RNF130: variants seen among roughly 807,000 people sequenced by gnomAD.
RNF130 encodes ring finger protein 130.
RNF130 carries 21 observed loss-of-function variants against 44.6 expected under a neutral mutation model. That is an observed-to-expected ratio of 0.47 (90% CI 0.33 to 0.68). RNF130 has a LOEUF of 0.68. Ranked by LOEUF, RNF130 falls within the 30% of genes least tolerant of loss-of-function variation. The pLI is 0.02. For missense variants in RNF130, 479 were observed against 560.6 expected (o/e 0.85, Z 1.47); for synonymous variants, 214 against 210.4 (o/e 1.02, Z -0.15).
chr5:179,968,684 AAAAAG>A (rs1267885664), intron 6 of RNF130, among the ~76,000 whole-genome samples: 1 of 151,840 alleles, frequency 6.6e-6, no homozygotes, highest in Admixed American at 6.6e-5. Context: ...AAAAAAAAAA[AAAAAG>A]AGAGAAAGTT....
At chr5:179,924,743 G>A (rs926692876) in intron 7 of RNF130, among the ~76,000 whole-genome samples, 1 of 151,896 alleles carries the variant, frequency 6.6e-6, no homozygotes, top group Admixed American at 6.6e-5. Flanking sequence ...GAGCCAAGAT[G>A]GTGCCACTGC....
intron 7 of RNF130, among the ~76,000 whole-genome samples, chr5:179,949,925 G>A (rs1011755400): frequency 1.3e-5 from 2 of 152,116 alleles, no homozygotes; most frequent in Non-Finnish European, 2.9e-5. Context: ...GTATAATCTT[G>A]CTAAAACTTC....
chr5:179,950,135 T>G (rs1471834371), downstream of RNF130, among the ~76,000 whole-genome samples: 3 of 151,966 alleles, frequency 2.0e-5, no homozygotes, highest in Non-Finnish European at 4.4e-5. Flanking sequence ...TTTCTTGAGA[T>G]AGAGTCTCAC....
chr5:180,071,648 T>TCAGCAGGGC lies in RNF130; in HGVS notation c.46_54dup (p.Ala16_Leu18dup). On this transcript the variant is annotated inframe_insertion, in exon 1 of 9. Transcript: ENST00000521389. ...GCCCGTGCCGGCCACAGGCTGCAGGTCAGCAGGGCGAGCGCGGCGAGCCGG... is the reference window on the plus strand; with the variant it reads ...GCCCGTGCCGGCCACAGGCTGCAGGTCAGCAGGGCCAGCAGGGCGAGCGCGGCGAGCCGG... 1 of 1,480,046 alleles carries TCAGCAGGGC rather than the reference T, an allele frequency of 6.8e-7. No individual in the cohort carries two copies. The highest frequency in any genetic ancestry group is 9.0e-7 in the Non-Finnish European group (1 of 1,114,506). The allele number at this position is 1,480,046 out of a possible 1,614,324, so 91.7% of individuals were successfully genotyped here. A position where few individuals can be genotyped will look rare whatever the true frequency, so the allele number is the denominator to read the frequency against.
intron 7 of RNF130, among the ~76,000 whole-genome samples, chr5:179,941,952 TC>T (rs1377441642): frequency 6.6e-6 from 1 of 152,052 alleles, no homozygotes; most frequent in Non-Finnish European, 1.5e-5. Flanking sequence ...AACATAAGAA[TC>T]TCATTATGTC....
chr5:180,010,825 G>A (rs549223844), intron 3 of RNF130, among the ~76,000 whole-genome samples: 1 of 152,156 alleles, frequency 6.6e-6, no homozygotes, highest in Non-Finnish European at 1.5e-5. Context: ...CCGTGTTGTT[G>A]GTCATGTGAA....
At chr5:179,980,477 T>C (rs1762807163) in intron 3 of RNF130, 2 of 376,760 alleles carry the variant, frequency 5.3e-6, no homozygotes, top group East Asian at 5.4e-5. Context: ...GGTGTCATAA[T>C]TGCTGCATTT....
At chr5:180,044,740 G>A (rs78284088) in intron 1 of RNF130, among the ~76,000 whole-genome samples, 1 of 152,054 alleles carries the variant, frequency 6.6e-6, no homozygotes, top group South Asian at 2.1e-4. Flanking sequence ...GCTGAGGCAG[G>A]AGAATTGCTT....
chr5:180,026,054 G>A (rs1396049465), intron 2 of RNF130, among the ~76,000 whole-genome samples: 1 of 150,386 alleles, frequency 6.6e-6, no homozygotes, highest in South Asian at 2.1e-4. Flanking sequence ...AGCTAAATAC[G>A]TTTTTAAGAG....
chr5:180,040,397 T>C (rs1764381117), intron 2 of RNF130, 56 bp downstream of exon 2: 4 of 1,506,220 alleles, frequency 2.7e-6, no homozygotes, highest in Admixed American at 1.8e-5. Context: ...TGCTTACCTA[T>C]AAAGCAATGA....
Position 180,040,529 on chromosome 5 carries a change from G to T in RNF130, c.366C>A (p.Ala122=), listed in dbSNP as rs147155552. The T allele has an allele frequency of 3.1e-5, 50 of 1,614,034 alleles. No homozygotes were observed. The African/African-American group carries it at 6.1e-4, about 20-fold the overall frequency. ...NCTFKEKISR[A]AFHNAVAVVI... is the part of the protein sequence containing the mutation. The stretch of plus-strand genomic sequence containing the variant: ...CTACAGCAACTGCATTGTGGAAAGC[G>T]GCCCGTGATATTTTCTCTTTAAACG... Residue 122 remains alanine, a synonymous_variant, in exon 2 of 9, where the codon GCC becomes GCA. Coordinates refer to ENST00000521389, the MANE Select transcript of RNF130 (RefSeq NM_018434.6).
At chr5:180,054,894 T>C (rs1441810639) in intron 1 of RNF130, among the ~76,000 whole-genome samples, 2 of 152,232 alleles carry the variant, frequency 1.3e-5, no homozygotes, top group Non-Finnish European at 2.9e-5. Flanking sequence ...AATATTACTT[T>C]AAATGATATT....
intron 2 of RNF130, among the ~76,000 whole-genome samples, chr5:180,025,559 T>A (rs937350148): frequency 2.6e-5 from 4 of 152,272 alleles, no homozygotes; most frequent in South Asian, 4.2e-4. Flanking sequence ...TTGCATTTAT[T>A]TTATTAAAGG....
At chr5:180,070,684 T>C (rs546949672) in intron 1 of RNF130, among the ~76,000 whole-genome samples, 1 of 152,356 alleles carries the variant, frequency 6.6e-6, no homozygotes, top group African/African-American at 2.4e-5. Flanking sequence ...AAAAGGTTTC[T>C]TTCAAACCAT....
chr5:179,924,832 C>A (rs1761684065), intron 7 of RNF130, among the ~76,000 whole-genome samples: 1 of 151,936 alleles, frequency 6.6e-6, no homozygotes, highest in African/African-American at 2.4e-5. Context: ...GGGATCAATT[C>A]AAAAATGCTT....
At chr5:180,018,435 T>C (rs1047679976) in intron 2 of RNF130, among the ~76,000 whole-genome samples, 1 of 151,848 alleles carries the variant, frequency 6.6e-6, no homozygotes. Flanking sequence ...AGAGAACGAG[T>C]GCAAGTTGGG....
intron 2 of RNF130, among the ~76,000 whole-genome samples, chr5:180,028,244 G>A (rs982057747): frequency 3.9e-5 from 6 of 152,240 alleles, no homozygotes; most frequent in African/African-American, 1.2e-4. Flanking sequence ...CCACAGTCAT[G>A]ACTTCGTACT....
At chr5:180,067,524 T>A (rs1765135867) in intron 1 of RNF130, among the ~76,000 whole-genome samples, 1 of 152,090 alleles carries the variant, frequency 6.6e-6, no homozygotes, top group South Asian at 2.1e-4. Context: ...AGAGATCAAG[T>A]GGTTTTTAAA....
At chr5:180,064,764 TAG>T (rs1765063556) in intron 1 of RNF130, among the ~76,000 whole-genome samples, 1 of 151,934 alleles carries the variant, frequency 6.6e-6, no homozygotes, top group Non-Finnish European at 1.5e-5. Context: ...TCTGTGTTTG[TAG>T]AGTCTCAAGC....
Sources: allele counts gnomAD v4.1 joint callset (sites outside exome capture counted in the v4.1 genomes callset), GRCh38; gene constraint gnomAD v4.1.1; transcripts MANE v1.5; gene names NCBI Gene and HGNC (gene_info 2026-07-23, HGNC 2026-07-21).